Variants in KCNQ5 observed in about 807,000 individuals in gnomAD.
The protein encoded by KCNQ5 is potassium voltage-gated channel subfamily Q member 5.
Under a neutral mutation model 98.2 loss-of-function variants are expected in KCNQ5, and 30 were observed. The observed-to-expected ratio is 0.31, with a 90% CI of 0.23 to 0.41. The LOEUF (loss-of-function observed/expected upper bound fraction) is 0.41, where lower values mean the gene tolerates loss of function less well. Ranked by LOEUF, KCNQ5 falls within the 10% of genes least tolerant of loss-of-function variation. KCNQ5 has a pLI of 1.00. For synonymous variants in KCNQ5, 458 were observed against 449.4 expected (o/e 1.02, Z -0.24); for missense variants, 835 against 1,182.5 (o/e 0.71, Z 4.31).
chr6:72,725,828 G>T (rs1309639519), intron 1 of KCNQ5, among the ~76,000 whole-genome samples: 2 of 152,082 alleles, frequency 1.3e-5, no homozygotes, highest in African/African-American at 4.8e-5. Context: ...TTTTTAAAAT[G>T]ATTGTGTTTA....
intron 10 of KCNQ5, among the ~76,000 whole-genome samples, chr6:73,165,886 A>C (rs1348324214): frequency 6.6e-6 from 1 of 152,010 alleles, no homozygotes; most frequent in Admixed American, 6.6e-5. Context: ...CGGAGGTTGC[A>C]GTGAGCCGAG....
At chr6:73,182,957 A>G (rs573032675) in intron 11 of KCNQ5, among the ~76,000 whole-genome samples, 4 of 152,324 alleles carry the variant, frequency 2.6e-5, no homozygotes, top group South Asian at 2.1e-4. Context: ...TAGGTAACCC[A>G]TATTAGCCAT....
chr6:72,716,403 T>G (rs1345309960), intron 1 of KCNQ5, among the ~76,000 whole-genome samples: 1 of 152,254 alleles, frequency 6.6e-6, no homozygotes, highest in African/African-American at 2.4e-5. Context: ...AAAAAATTCT[T>G]AGCATCAAGG....
At chr6:72,736,571 C>T (rs1184033083) in intron 1 of KCNQ5, among the ~76,000 whole-genome samples, 1 of 132,642 alleles carries the variant, frequency 7.5e-6, no homozygotes, top group Non-Finnish European at 1.5e-5. Flanking sequence ...GGGATCTCGG[C>T]TCACTGCAAG....
intron 1 of KCNQ5, among the ~76,000 whole-genome samples, chr6:72,772,117 A>G (rs1772927764): frequency 6.6e-6 from 1 of 152,124 alleles, no homozygotes; most frequent in Non-Finnish European, 1.5e-5. Flanking sequence ...AAAATATTGC[A>G]CTATGAAATT....
intron 10 of KCNQ5, among the ~76,000 whole-genome samples, chr6:73,168,719 A>G (rs1481957689): frequency 1.3e-5 from 2 of 152,318 alleles, no homozygotes; most frequent in African/African-American, 2.4e-5. Context: ...CTCAAAAAAA[A>G]AAAGGTATTT....
chr6:72,973,476 A>T (rs1768003419), intron 1 of KCNQ5, among the ~76,000 whole-genome samples: 1 of 152,150 alleles, frequency 6.6e-6, no homozygotes, highest in Non-Finnish European at 1.5e-5. Context: ...TATGGAAAAT[A>T]ATTTTGAACT....
At chr6:73,164,576 G>A (rs1464623652) in intron 10 of KCNQ5, among the ~76,000 whole-genome samples, 1 of 152,162 alleles carries the variant, frequency 6.6e-6, no homozygotes, top group African/African-American at 2.4e-5. Flanking sequence ...ATTAGGCTGG[G>A]AGGTAATGTC....
In KCNQ5 at chr6:73,118,995, T is replaced by C. The variant is rs991222329; in HGVS notation, c.1126-1488T>C. 1.3e-4 allele frequency among the ~76,000 whole-genome samples: 20 copies of C among 152,200 alleles called. 1 individual carries two copies. Among genetic ancestry groups the C allele is most frequent in the African/African-American group, 4.8e-4 (20 of 41,442 alleles). On this transcript the variant is annotated intron_variant, in intron 7 of 13. Transcript: ENST00000370398. ...AAGATTGTGCCACTGCACTCCAGCC[T>C]GGGGGACAGAGGGAGACCCTGTCTC...
At chr6:72,797,747 G>A (rs542000382) in intron 1 of KCNQ5, among the ~76,000 whole-genome samples, 2 of 152,198 alleles carry the variant, frequency 1.3e-5, no homozygotes, top group South Asian at 4.1e-4. Context: ...GACTTATGAT[G>A]TGAATAAACA....
chr6:73,069,934 T>C (rs1773230498), intron 3 of KCNQ5, among the ~76,000 whole-genome samples: 1 of 152,078 alleles, frequency 6.6e-6, no homozygotes, highest in Non-Finnish European at 1.5e-5. Context: ...GGCCATACAT[T>C]GTAGGGATGA....
chr6:72,826,249 C>A (rs1344352477), intron 1 of KCNQ5, among the ~76,000 whole-genome samples: 1 of 152,104 alleles, frequency 6.6e-6, no homozygotes, highest in African/African-American at 2.4e-5. Flanking sequence ...ACCCTTCCTG[C>A]AAGATTAGTC....
chr6:72,646,535 A>G (rs185264193), intron 1 of KCNQ5, among the ~76,000 whole-genome samples: 119 of 152,292 alleles, frequency 7.8e-4, no homozygotes, highest in African/African-American at 2.8e-3. Flanking sequence ...GCATATGGTT[A>G]TCTATTGGTC....
Position 72,790,348 on chromosome 6 carries a change from A to G in KCNQ5, c.398+167761A>G, listed in dbSNP as rs1773973142. ...GAAGATGAATTTAGTAGCTAATTCA[A>G]TTTGACATCAAGTTGAGCTACAGAT... On this transcript the variant is annotated intron_variant, in intron 1 of 13. Coordinates refer to ENST00000370398, the MANE Select transcript of KCNQ5 (RefSeq NM_019842.4). Among the ~76,000 whole-genome samples, 2 of 152,238 alleles carry G rather than the reference A, an allele frequency of 1.3e-5. 1 individual carries two copies. The highest frequency in any genetic ancestry group is 4.1e-4 in the South Asian group (2 of 4,838).
intron 3 of KCNQ5, among the ~76,000 whole-genome samples, chr6:73,056,984 A>C (rs1402028571): frequency 6.6e-6 from 1 of 152,148 alleles, no homozygotes; most frequent in Non-Finnish European, 1.5e-5. Flanking sequence ...CTGGGTATAT[A>C]CTCAAAGGAT....
At chr6:72,740,910 G>A (rs192670199) in intron 1 of KCNQ5, among the ~76,000 whole-genome samples, 1 of 152,256 alleles carries the variant, frequency 6.6e-6, no homozygotes, top group Non-Finnish European at 1.5e-5. Flanking sequence ...CATCTTTTGG[G>A]AGGGAGACCT....
At chr6:72,920,979 A>G in intron 1 of KCNQ5, among the ~76,000 whole-genome samples, 1 of 152,188 alleles carries the variant, frequency 6.6e-6, no homozygotes, top group East Asian at 1.9e-4. Context: ...TTATTGGACC[A>G]CCTGAAACAT....
In KCNQ5 at chr6:72,884,487, G is replaced by C. The variant is rs542402177; in HGVS notation, c.399-119421G>C. ...GAGATAGCATCAGAAAGAGTATTGT[G>C]TATGCATAGAGGGTCCGTCCTCAGA... On this transcript the variant is annotated intron_variant, in intron 1 of 13. Transcript: ENST00000370398. Among the ~76,000 whole-genome samples the C allele has an allele frequency of 1.2e-4, 18 of 152,294 alleles. No individual in the cohort carries two copies. The South Asian group carries it at 3.7e-3, about 32-fold the overall frequency.
intron 1 of KCNQ5, among the ~76,000 whole-genome samples, chr6:72,873,776 T>C (rs1778304050): frequency 6.6e-6 from 1 of 152,100 alleles, no homozygotes; most frequent in South Asian, 2.1e-4. Flanking sequence ...TGAGATGAGC[T>C]AGTTTCTCAG....
Sources: allele counts gnomAD v4.1 joint callset (sites outside exome capture counted in the v4.1 genomes callset), GRCh38; gene constraint gnomAD v4.1.1; transcripts MANE v1.5; gene names NCBI Gene and HGNC (gene_info 2026-07-23, HGNC 2026-07-21).